Variants in CNKSR2 observed in about 807,000 individuals in gnomAD.
CNKSR2 encodes the protein CNK homolog protein 2.
In CNKSR2, 14 loss-of-function variants were observed where a neutral mutation model predicts 84.4. That is an observed-to-expected ratio of 0.17 (90% confidence interval 0.11 to 0.26). The LOEUF is 0.26. CNKSR2 is among the 10% of genes least tolerant of loss of function. CNKSR2 has a pLI of 1.00. For missense variants in CNKSR2, 485 were observed against 771.2 expected (o/e 0.63, Z 4.40); for synonymous variants, 275 against 277.9 (o/e 0.99, Z 0.10).
At chrX:21,484,248 A>G (rs931674419) in intron 5 of CNKSR2, among the ~76,000 whole-genome samples, 2 of 111,866 alleles carry the variant, frequency 1.8e-5, no homozygotes, top group African/African-American at 6.5e-5. Context: ...CTGAGATTGC[A>G]TCATTGCCCT....
chrX:21,439,262 G>A (rs1182633238), intron 3 of CNKSR2, among the ~76,000 whole-genome samples: 1 of 111,083 alleles, frequency 9.0e-6, no homozygotes, highest in Non-Finnish European at 1.9e-5. Context: ...ACACTTATAA[G>A]TAATCCAACG....
intron 9 of CNKSR2, among the ~76,000 whole-genome samples, chrX:21,525,147 A>G (rs940895102): frequency 9.0e-6 from 1 of 111,056 alleles, no homozygotes; most frequent in African/African-American, 3.3e-5. Context: ...CTGCCATTCA[A>G]GGATTTGTTG....
chrX:21,642,656 AGT>A (rs2092695424), intron 20 of CNKSR2: 1 of 738,290 alleles, frequency 1.4e-6, no homozygotes, highest in Non-Finnish European at 1.6e-6. Flanking sequence ...CTGTCACCGC[AGT>A]GTGTGGTATT....
At chrX:21,448,170 T>C (rs780326952) in intron 4 of CNKSR2, among the ~76,000 whole-genome samples, 1 of 111,380 alleles carries the variant, frequency 9.0e-6, no homozygotes, top group African/African-American at 3.3e-5. Context: ...GATTGAGAAG[T>C]GTGGATCAGG....
intron 5 of CNKSR2, among the ~76,000 whole-genome samples, chrX:21,489,772 C>T (rs920539407): frequency 1.8e-5 from 2 of 111,837 alleles, no homozygotes; most frequent in African/African-American, 6.5e-5. Flanking sequence ...TTATTGAATG[C>T]TTTGTATTTT....
rs768510732 is a variant in CNKSR2, at chrX:21,609,383, C to T, written c.2458C>T (p.His820Tyr). ...LPTQKCHLQDHYGPYPLAESE... is the reference protein window; with the variant it reads ...LPTQKCHLQDYYGPYPLAESE... ...AACTCAGAAATGCCACCTGCAGGAT[C>T]ACTATGGGCCATACCCCTTAGCTGA... The change falls in exon 20 of 22, where the codon CAC becomes TAC. Residue 820 changes from histidine to tyrosine, a missense_variant. This residue lies in a region of CNKSR2 where 210 missense variants were observed against 291.5 expected (regional missense o/e 0.72). Coordinates refer to ENST00000379510, the MANE Select transcript of CNKSR2 (RefSeq NM_014927.5). The T allele has an allele frequency of 3.1e-5, 38 of 1,211,679 alleles. No homozygotes were observed. The highest frequency in any genetic ancestry group is 4.2e-5 in the Non-Finnish European group (38 of 895,510).
chrX:21,437,085 A>G (rs1472739028), intron 3 of CNKSR2, among the ~76,000 whole-genome samples: 1 of 111,669 alleles, frequency 9.0e-6, no homozygotes, highest in Non-Finnish European at 1.9e-5. Context: ...AGCTTGTCCT[A>G]CTTAAAATAT....
At chrX:21,536,174 T>C (rs1371696178) in intron 11 of CNKSR2, among the ~76,000 whole-genome samples, 2 of 111,851 alleles carry the variant, frequency 1.8e-5, no homozygotes, top group East Asian at 5.6e-4. Context: ...TTGATTTGCA[T>C]ATGTTGAACC....
intron 21 of CNKSR2, among the ~76,000 whole-genome samples, chrX:21,649,283 T>C (rs1480187572): frequency 8.9e-6 from 1 of 112,204 alleles, no homozygotes; most frequent in Non-Finnish European, 1.9e-5. Flanking sequence ...CAGGATGTGA[T>C]TTAAATTGTT....
Position 21,601,343 on chromosome X carries a change from G to T in CNKSR2, c.2038G>T (p.Glu680Ter). The change falls in exon 18 of 22, where the codon GAA (glutamate) becomes TAA (stop). Residue 680 changes from glutamate (E) to a stop codon, truncating the protein, a stop_gained. Coordinates refer to ENST00000379510, the MANE Select transcript of CNKSR2 (RefSeq NM_014927.5). LOFTEE classifies it high-confidence loss of function. ...GYAERERIKQ[E>*]QDYWSESDKE... The stretch of plus-strand genomic sequence containing the variant: ...TGCAGAAAGAGAGAGGATTAAGCAG[G>T]AACAAGGTAAAGGAATACTTTTTTA... The T allele has an allele frequency of 8.9e-7, 1 of 1,127,848 alleles. No individual in the cohort carries two copies. The highest frequency in any genetic ancestry group is 2.0e-5 in the South Asian group (1 of 49,706). 92.9% of individuals were successfully genotyped at this position (1,127,848 alleles called of 1,213,427 possible).
intron 1 of CNKSR2, among the ~76,000 whole-genome samples, chrX:21,385,679 G>C (rs999034508): frequency 9.0e-6 from 1 of 111,633 alleles, no homozygotes; most frequent in Non-Finnish European, 1.9e-5. Context: ...TTTCTGATTG[G>C]TTCCAAAATA....
At chrX:21,526,639 G>T (rs2147113977) in intron 9 of CNKSR2, among the ~76,000 whole-genome samples, 1 of 111,421 alleles carries the variant, frequency 9.0e-6, no homozygotes, top group Admixed American at 9.6e-5. Flanking sequence ...AGATTAAGGT[G>T]AGTTGGGAGT....
intron 5 of CNKSR2, 140 bp from the exon 6 acceptor site, chrX:21,490,319 G>T (rs1050847748): frequency 5.5e-6 from 3 of 543,097 alleles, no homozygotes; most frequent in Admixed American, 4.0e-5. Flanking sequence ...GAATTTCTTT[G>T]TACAGATTTT....
rs1209490217 is a variant in CNKSR2 at position 21,504,639 on chromosome X, T to G, written c.810+3051T>G. 1.8e-5 allele frequency: 5 copies of G among 278,220 alleles called. No homozygotes were observed. The East Asian group carries it at 2.0e-4, about 11-fold the overall frequency. 22.9% of individuals were successfully genotyped at this position (278,220 alleles called of 1,213,427 possible). A position where few individuals can be genotyped will look rare whatever the true frequency, so the allele number is the denominator to read the frequency against. ...TAAATCAGATGAATTCAAATACTAT[T>G]TTTTTAAATTGCTAGTATGGTATAT... On this transcript the variant is annotated intron_variant, in intron 8 of 21. Transcript: ENST00000379510.
intron 7 of CNKSR2, 132 bp downstream of exon 7, chrX:21,497,978 A>T: frequency 5.1e-6 from 2 of 393,938 alleles, no homozygotes; most frequent in Non-Finnish European, 9.0e-6. Flanking sequence ...AATTTAAAAG[A>T]GATACTGAGT....
chrX:21,592,491 G>A (rs1465840422), intron 15 of CNKSR2: 1 of 111,384 alleles, frequency 9.0e-6, no homozygotes, highest in East Asian at 2.8e-4. Context: ...TGAGGCAGGA[G>A]GATTGCTTGA....
At chrX:21,528,597 G>A (rs1000796631) in intron 10 of CNKSR2, among the ~76,000 whole-genome samples, 13 of 110,494 alleles carry the variant, frequency 1.2e-4, no homozygotes, top group African/African-American at 3.9e-4. Flanking sequence ...ATATATTGAA[G>A]CCAATAAAAA....
intron 15 of CNKSR2, chrX:21,593,416 C>A (rs1010120642): frequency 9.0e-6 from 1 of 111,355 alleles, no homozygotes; most frequent in Non-Finnish European, 1.9e-5. Flanking sequence ...CTAAAAGAAT[C>A]GAGAACTCTT....
intron 20 of CNKSR2, among the ~76,000 whole-genome samples, chrX:21,641,198 CAT>C (rs1221732193): frequency 2.7e-5 from 3 of 111,943 alleles, no homozygotes; most frequent in Admixed American, 9.5e-5. Context: ...AATATTTTAA[CAT>C]AAACTATTCT....
Sources: gnomAD v4.1 joint callset for allele counts (sites outside exome capture counted in the v4.1 genomes callset) on GRCh38, gnomAD v4.1.1 for gene constraint, gnomAD v4.1.1 regional missense constraint, MANE v1.5 for transcripts, NCBI Gene and HGNC (gene_info 2026-07-23, HGNC 2026-07-21) for gene names.